The following ZNF804B variants were observed in gnomAD, a reference collection of about 807,000 sequenced individuals.
ZNF804B encodes the protein zinc finger 804B.
ZNF804B carries 80 observed loss-of-function variants against 101.4 expected under a neutral mutation model. The observed-to-expected ratio is 0.79, with a 90% CI of 0.66 to 0.95. The LOEUF (loss-of-function observed/expected upper bound fraction) is 0.95, where lower values mean the gene tolerates loss of function less well. Ranked by LOEUF, ZNF804B falls within the 40% of genes least tolerant of loss-of-function variation. The probability of loss-of-function intolerance (pLI) is 0.00; values close to 1 mark genes in which losing one functional copy is unlikely to be tolerated. For missense variants in ZNF804B, 1,673 were observed against 1,561.9 expected (o/e 1.07, Z -1.20); for synonymous variants, 622 against 558.8 (o/e 1.11, Z -1.59).
chr7:89,122,128 T>G (rs562205589), intron 1 of ZNF804B, among the ~76,000 whole-genome samples: 1 of 152,084 alleles, frequency 6.6e-6, no homozygotes, highest in African/African-American at 2.4e-5. Flanking sequence ...CCACAGCAGT[T>G]TTTTAGAACT....
At chr7:89,067,678 A>T (rs772272042) in intron 1 of ZNF804B, among the ~76,000 whole-genome samples, 4 of 152,102 alleles carry the variant, frequency 2.6e-5, no homozygotes, top group Non-Finnish European at 5.9e-5. Flanking sequence ...TAGCTAGTAA[A>T]ATTTTACAAA....
intron 1 of ZNF804B, among the ~76,000 whole-genome samples, chr7:88,956,443 A>G (rs1049711984): frequency 9.9e-5 from 15 of 151,678 alleles, no homozygotes; most frequent in Non-Finnish European, 1.8e-4. Flanking sequence ...TGGCTTTGCT[A>G]TTAGCACCTT....
intron 1 of ZNF804B, among the ~76,000 whole-genome samples, chr7:89,064,123 C>T (rs984145354): frequency 6.6e-6 from 1 of 152,080 alleles, no homozygotes; most frequent in African/African-American, 2.4e-5. Flanking sequence ...TGCACTGCAG[C>T]ATTGGCAGAC....
intron 1 of ZNF804B, among the ~76,000 whole-genome samples, chr7:88,924,559 C>G (rs1024216787): frequency 1.3e-5 from 2 of 152,162 alleles, no homozygotes; most frequent in Non-Finnish European, 2.9e-5. Context: ...CCTGCATTTA[C>G]TTCCAGCTAC....
intron 1 of ZNF804B, among the ~76,000 whole-genome samples, chr7:89,084,138 G>A (rs1370332080): frequency 6.6e-6 from 1 of 151,946 alleles, no homozygotes; most frequent in African/African-American, 2.4e-5. Context: ...TATAGGCAGA[G>A]CACAGCAGAT....
At chr7:89,171,681 T>C (rs1281192305) in intron 1 of ZNF804B, among the ~76,000 whole-genome samples, 1 of 152,088 alleles carries the variant, frequency 6.6e-6, no homozygotes, top group Non-Finnish European at 1.5e-5. Context: ...GTGATCCGCC[T>C]GCCTTGGCCT....
intron 1 of ZNF804B, among the ~76,000 whole-genome samples, chr7:88,947,758 A>G (rs1361842501): frequency 1.3e-5 from 2 of 151,944 alleles, no homozygotes; most frequent in East Asian, 1.9e-4. Context: ...AAAATATTCA[A>G]AAATCCAAAA....
rs1196401455 is a variant in ZNF804B, at chr7:88,759,741, C to G, written c.-236C>G. The G allele has an allele frequency of 1.8e-6, 1 of 549,782 alleles. No individual in the cohort carries two copies. Among genetic ancestry groups the G allele is most frequent in the East Asian group, 3.0e-5 (1 of 33,350 alleles). 34.1% of individuals were successfully genotyped at this position (549,782 alleles called of 1,614,324 possible). On this transcript the variant is annotated 5_prime_UTR_variant, in exon 1 of 4. Transcript: ENST00000333190. The stretch of plus-strand genomic sequence containing the variant: ...CAGCATGTGGACTGGCTCGCCGGGT[C>G]CCCTCCGTGCTCTGTGCTGTCGCCG...
At chr7:89,298,736 A>G (rs752050660) in intron 2 of ZNF804B, among the ~76,000 whole-genome samples, 38 of 151,876 alleles carry the variant, frequency 2.5e-4, no homozygotes, top group Admixed American at 3.9e-4. Flanking sequence ...GTATTTTCAT[A>G]TATATATTTT....
chr7:89,278,608 A>T (rs1048992893), intron 2 of ZNF804B, among the ~76,000 whole-genome samples: 12 of 152,020 alleles, frequency 7.9e-5, no homozygotes, highest in Non-Finnish European at 1.5e-4. Flanking sequence ...TAAATAAGGA[A>T]TCCTTTCCCC....
intron 1 of ZNF804B, chr7:88,794,393 A>G: frequency 6.2e-7 from 1 of 1,613,842 alleles, no homozygotes. Context: ...TGGCAAAGGT[A>G]GAGTGACAGT....
At chr7:89,066,862 A>G (rs1789462446) in intron 1 of ZNF804B, among the ~76,000 whole-genome samples, 1 of 151,984 alleles carries the variant, frequency 6.6e-6, no homozygotes, top group Non-Finnish European at 1.5e-5. Context: ...TCCTGGGTTC[A>G]AGCAGTTCTC....
chr7:89,012,642 A>C (rs1254324895), intron 1 of ZNF804B, among the ~76,000 whole-genome samples: 1 of 152,220 alleles, frequency 6.6e-6, no homozygotes, highest in East Asian at 1.9e-4. Context: ...TTCATTGTCC[A>C]TATCACTATC....
intron 1 of ZNF804B, among the ~76,000 whole-genome samples, chr7:89,118,244 G>A (rs1790342081): frequency 6.6e-6 from 1 of 152,120 alleles, no homozygotes; most frequent in Non-Finnish European, 1.5e-5. Flanking sequence ...AAGTCTCAGA[G>A]TAGTTAAATA....
intron 1 of ZNF804B, among the ~76,000 whole-genome samples, chr7:88,860,191 T>C (rs144717618): frequency 6.6e-6 from 1 of 152,030 alleles, no homozygotes; most frequent in Non-Finnish European, 1.5e-5. Context: ...GCTCAGAGTA[T>C]TACAATATAA....
intron 1 of ZNF804B, among the ~76,000 whole-genome samples, chr7:88,978,054 T>C (rs1355123746): frequency 6.6e-6 from 1 of 151,854 alleles, no homozygotes; most frequent in African/African-American, 2.4e-5. Flanking sequence ...GTTTCTCTTG[T>C]CATTGATTTC....
chr7:89,160,722 T>G (rs7803327), intron 1 of ZNF804B, among the ~76,000 whole-genome samples: 31,095 of 152,000 alleles, frequency 0.2, 3,373 homozygotes, highest in Middle Eastern at 0.4. Flanking sequence ...ATCTTCTTTA[T>G]TATTATATCT....
chr7:89,328,344 G>A (rs1790927601), intron 3 of ZNF804B, among the ~76,000 whole-genome samples: 1 of 151,792 alleles, frequency 6.6e-6, no homozygotes, highest in East Asian at 1.9e-4. Context: ...TATTCAGCTT[G>A]CATGTATTTA....
intron 1 of ZNF804B, among the ~76,000 whole-genome samples, chr7:88,826,789 C>T (rs1219429837): frequency 4.0e-5 from 6 of 151,888 alleles, no homozygotes; most frequent in East Asian, 1.9e-4. Flanking sequence ...GAGCCAGAAG[C>T]GATCCTGGAA....
Sources: allele counts gnomAD v4.1 joint callset (sites outside exome capture counted in the v4.1 genomes callset), GRCh38; gene constraint gnomAD v4.1.1; transcripts MANE v1.5; gene names NCBI Gene and HGNC (gene_info 2026-07-23, HGNC 2026-07-21).